NCOA2: variants seen among roughly 807,000 people sequenced by gnomAD.
NCOA2 encodes the protein class E basic helix-loop-helix protein 75.
Under a neutral mutation model 145.1 loss-of-function variants are expected in NCOA2, and 21 were observed. The ratio of observed to expected loss-of-function variants is 0.14; its 90% confidence interval spans 0.10 to 0.21. NCOA2 has a LOEUF of 0.21. Among genes scored for constraint, NCOA2 ranks in the 10% least tolerant of loss-of-function variants. NCOA2 has a pLI of 1.00. For synonymous variants in NCOA2, 619 were observed against 637.5 expected, an observed-to-expected ratio of 0.97 and a Z score of 0.44; for missense variants, 1,472 against 1,837.6, an observed-to-expected ratio of 0.80 and a Z score of 3.64.
At chr8:70,134,002 G>A (rs1300668854) in intron 15 of NCOA2, among the ~76,000 whole-genome samples, 1 of 152,082 alleles carries the variant, frequency 6.6e-6, no homozygotes, top group Non-Finnish European at 1.5e-5. Flanking sequence ...ATTTCTAAGG[G>A]ACCCACCCAG....
chr8:70,196,908 G>A (rs150273350), intron 4 of NCOA2, among the ~76,000 whole-genome samples: 8 of 152,090 alleles, frequency 5.3e-5, no homozygotes, highest in African/African-American at 1.9e-4. Flanking sequence ...TAGTTTTAAG[G>A]CCTCAACCTT....
intron 1 of NCOA2, among the ~76,000 whole-genome samples, chr8:70,381,286 C>T (rs1586645584): frequency 1.3e-5 from 2 of 151,926 alleles, no homozygotes; most frequent in African/African-American, 2.4e-5. Flanking sequence ...TTCAGGAAGC[C>T]GCACAGAAAA....
chr8:70,408,005 ACCCCCTCTATTCATACCTCCCTTATTTCT>A (rs766358262), upstream of NCOA2, among the ~76,000 whole-genome samples: 5 of 152,124 alleles, frequency 3.3e-5, no homozygotes, highest in Non-Finnish European at 5.9e-5. Context: ...TCTTTGATAT[ACCCCCTCTATTCATACCTCCCTTATTTCT>A]CCCCCTCTAT....
chr8:70,182,242 T>C (rs1585990974), intron 4 of NCOA2, among the ~76,000 whole-genome samples: 1 of 152,362 alleles, frequency 6.6e-6, no homozygotes, highest in East Asian at 1.9e-4. Context: ...AGCCGCAAGT[T>C]GCCTCCCTCT....
chr8:70,371,910 G>A (rs79816351), intron 1 of NCOA2, among the ~76,000 whole-genome samples: 5 of 152,112 alleles, frequency 3.3e-5, no homozygotes, highest in South Asian at 2.1e-4. Flanking sequence ...AACAAAGTAC[G>A]TTCATCTGAT....
At chr8:70,207,884 AAAGAAG>A (rs1197268154) in intron 4 of NCOA2, among the ~76,000 whole-genome samples, 5 of 144,154 alleles carry the variant, frequency 3.5e-5, no homozygotes, top group Non-Finnish European at 6.1e-5. Context: ...AAAAAAAAAA[AAAGAAG>A]AAGAAGAAGA....
At chr8:70,360,310 T>C in intron 1 of NCOA2, among the ~76,000 whole-genome samples, 1 of 152,190 alleles carries the variant, frequency 6.6e-6, no homozygotes, top group East Asian at 1.9e-4. Flanking sequence ...TAGCACATAT[T>C]TTTCTGGTAC....
At chr8:70,281,578 C>T (rs536714745) in intron 2 of NCOA2, among the ~76,000 whole-genome samples, 5 of 152,170 alleles carry the variant, frequency 3.3e-5, no homozygotes, top group Non-Finnish European at 7.4e-5. Context: ...AACTAGGAAA[C>T]TCATCACCCC....
Position 70,156,667 on chromosome 8 carries a change from T to C in NCOA2, c.1698A>G (p.Pro566=), listed in dbSNP as rs745353309. ...TGAGTGGGGGAGGATTCATATTAAC[T>C]GGGGAGTTTTGCAAATTGCCCATTT... ...DLKMGNLQNS[P]VNMNPPPLSK... Residue 566 remains proline (P), a synonymous_variant, in exon 11 of 23, where the codon CCA becomes CCG. Coordinates refer to ENST00000452400, the MANE Select transcript of NCOA2 (RefSeq NM_006540.4). 4.3e-6 allele frequency: 7 copies of C among 1,613,846 alleles called. No homozygotes were observed. The highest frequency in any genetic ancestry group is 3.3e-5 in the Admixed American group (2 of 59,990).
At chr8:70,223,092 C>T (rs1297394509) in intron 2 of NCOA2, among the ~76,000 whole-genome samples, 1 of 152,102 alleles carries the variant, frequency 6.6e-6, no homozygotes, top group Non-Finnish European at 1.5e-5. Flanking sequence ...ATAACGTAAG[C>T]ATTTTCTCTC....
chr8:70,338,116 C>CA (rs113301419), intron 1 of NCOA2, among the ~76,000 whole-genome samples: 7,530 of 150,838 alleles, frequency 0.05, 279 homozygotes, highest in East Asian at 0.16. Context: ...GATAGAGACA[C>CA]AAAAAAACCC....
chr8:70,282,409 G>A (rs1349946985), intron 2 of NCOA2, among the ~76,000 whole-genome samples: 1 of 152,180 alleles, frequency 6.6e-6, no homozygotes, highest in Non-Finnish European at 1.5e-5. Context: ...CATAAGGCCG[G>A]GCACGGAGGC....
chr8:70,274,028 C>G (rs574088242), intron 2 of NCOA2, among the ~76,000 whole-genome samples: 2 of 152,146 alleles, frequency 1.3e-5, no homozygotes, highest in African/African-American at 2.4e-5. Context: ...TTTGCTTATA[C>G]GCAATTCATT....
At chr8:70,283,362 A>G (rs1220325610) in intron 2 of NCOA2, among the ~76,000 whole-genome samples, 3 of 152,224 alleles carry the variant, frequency 2.0e-5, no homozygotes, top group Non-Finnish European at 4.4e-5. Flanking sequence ...ATGGTCATTG[A>G]TGAGTTTTTA....
At chr8:70,287,229 G>A (rs114192443) in intron 2 of NCOA2, among the ~76,000 whole-genome samples, 1,716 of 152,164 alleles carry the variant, frequency 0.011, 41 homozygotes, top group African/African-American at 0.039. Context: ...GGGTGAAAGA[G>A]CAAGATCCTG....
At chr8:70,139,211 T>C (rs974538076) in intron 14 of NCOA2, among the ~76,000 whole-genome samples, 2 of 152,232 alleles carry the variant, frequency 1.3e-5, no homozygotes, top group African/African-American at 4.8e-5. Flanking sequence ...CTGTATTCCA[T>C]TCCAAAAGAT....
At chr8:70,170,420 A>G (rs1169276885) in intron 5 of NCOA2, 41 bp from the exon 6 acceptor site, 1 of 1,448,256 alleles carries the variant, frequency 6.9e-7, no homozygotes, top group East Asian at 2.6e-5. Flanking sequence ...AGGATGCAAC[A>G]TAACATCACA....
chr8:70,196,106 G>A (rs1320907912), intron 4 of NCOA2, among the ~76,000 whole-genome samples: 6 of 152,160 alleles, frequency 3.9e-5, no homozygotes, highest in Admixed American at 2.6e-4. Context: ...GGCTGGGCAC[G>A]GTGGCTCACG....
chr8:70,263,530 T>A (rs562640093), intron 2 of NCOA2, among the ~76,000 whole-genome samples: 1 of 152,174 alleles, frequency 6.6e-6, no homozygotes, highest in Non-Finnish European at 1.5e-5. Context: ...TTCTATCATA[T>A]TAACAGAGCT....
Sources: gnomAD v4.1 joint callset for allele counts (sites outside exome capture counted in the v4.1 genomes callset) on GRCh38, gnomAD v4.1.1 for gene constraint, MANE v1.5 for transcripts, NCBI Gene and HGNC (gene_info 2026-07-23, HGNC 2026-07-21) for gene names.